Variants in URM1 observed in about 807,000 individuals in gnomAD.
The protein encoded by URM1 is ubiquitin related modifier 1.
In URM1, 11 loss-of-function variants were observed where a neutral mutation model predicts 17.7. That is an observed-to-expected ratio of 0.62 (90% CI 0.39 to 1.03). URM1 has a LOEUF of 1.03. URM1 is among the 50% of genes least tolerant of loss of function. The pLI is 0.00. For synonymous variants in URM1, 48 were observed against 50.6 expected, an observed-to-expected ratio of 0.95 and a Z score of 0.22; for missense variants, 128 against 129.2, an observed-to-expected ratio of 0.99 and a Z score of 0.04.
At chr9:128,377,136 T>G (rs377603721) in intron 1 of URM1, among the ~76,000 whole-genome samples, 1 of 152,184 alleles carries the variant, frequency 6.6e-6, no homozygotes, top group Non-Finnish European at 1.5e-5. Context: ...CCTCCCACAG[T>G]GCTAGGATTC....
At chr9:128,377,956 C>A in intron 1 of URM1, 80 bp from the exon 2 acceptor site, 1 of 1,484,124 alleles carries the variant, frequency 6.7e-7, no homozygotes, top group Non-Finnish European at 9.4e-7. Context: ...CCAGCCCTAT[C>A]CTCAGTTTTC....
chr9:128,372,862 C>T (rs571826403), intron 1 of URM1, among the ~76,000 whole-genome samples: 1 of 151,990 alleles, frequency 6.6e-6, no homozygotes, highest in East Asian at 1.9e-4. Flanking sequence ...CTGCTTGAGC[C>T]CAAGAATTCG....
At chr9:128,385,846 A>G (rs1323750566) in intron 2 of URM1, among the ~76,000 whole-genome samples, 1 of 147,870 alleles carries the variant, frequency 6.8e-6, no homozygotes, top group Non-Finnish European at 1.5e-5. Flanking sequence ...CCATGGTAAC[A>G]GGCTATCAAA....
At chr9:128,378,947 CAAAAAAAAAA>C (rs397976946) in intron 2 of URM1, among the ~76,000 whole-genome samples, 2 of 86,868 alleles carry the variant, frequency 2.3e-5, no homozygotes, top group Non-Finnish European at 4.9e-5. Context: ...ATTCTGTCAC[CAAAAAAAAAA>C]AAAAAAAAAA....
chr9:128,377,248 T>C (rs1833089990), intron 1 of URM1, among the ~76,000 whole-genome samples: 1 of 152,158 alleles, frequency 6.6e-6, no homozygotes, highest in Non-Finnish European at 1.5e-5. Flanking sequence ...TCACTGGGTC[T>C]GGGCAGAGTG....
Position 128,387,779 on chromosome 9 carries a change from G to A in URM1, c.107-37G>A. On this transcript the variant is annotated intron_variant, in intron 2 of 4. Coordinates refer to ENST00000372853, the MANE Select transcript of URM1 (RefSeq NM_030914.4). The surrounding 1 kb of genome is among the most constrained non-coding windows in gnomAD (Gnocchi z 4.3). Reference sequence around the variant, plus strand: ...TCTGGGGGTGGGCAGGTGCTATTTGGGTTTGACAAGAGTTTGTTCTGTGCA... The same window carrying A: ...TCTGGGGGTGGGCAGGTGCTATTTGAGTTTGACAAGAGTTTGTTCTGTGCA... 1 of 1,613,522 alleles carries A rather than the reference G, an allele frequency of 6.2e-7. No individual in the cohort carries two copies. The highest frequency in any genetic ancestry group is 1.7e-5 in the Admixed American group (1 of 60,004).
chr9:128,381,140 T>C (rs1833155073), intron 2 of URM1, among the ~76,000 whole-genome samples: 1 of 152,140 alleles, frequency 6.6e-6, no homozygotes, highest in Non-Finnish European at 1.5e-5. Context: ...TACTTTATTC[T>C]TTCATGTAGT....
At chr9:128,377,500 C>T (rs1564410112) in intron 1 of URM1, among the ~76,000 whole-genome samples, 1 of 152,060 alleles carries the variant, frequency 6.6e-6, no homozygotes, top group Admixed American at 6.6e-5. Flanking sequence ...TGGTGAAACC[C>T]TCTGTCTAAA....
intron 1 of URM1, 89 bp downstream of exon 1, chr9:128,371,504 C>T: frequency 7.3e-7 from 1 of 1,370,790 alleles, no homozygotes; most frequent in Non-Finnish European, 1.0e-6. Flanking sequence ...CTGACACGGC[C>T]GAATCACTGG....
chr9:128,382,545 G>A (rs1469757631), intron 2 of URM1, among the ~76,000 whole-genome samples: 1 of 152,168 alleles, frequency 6.6e-6, no homozygotes, highest in Non-Finnish European at 1.5e-5. Context: ...CCAGGGGAGA[G>A]CTTCCAACCC....
At chr9:128,377,946 C>G in intron 1 of URM1, 90 bp from the exon 2 acceptor site, 1 of 1,394,686 alleles carries the variant, frequency 7.2e-7, no homozygotes, top group Non-Finnish European at 1.0e-6. Context: ...GCCTTCATTA[C>G]CAGCCCTATC....
chr9:128,386,704 T>TG (rs1833232002), intron 2 of URM1, among the ~76,000 whole-genome samples: 1 of 152,222 alleles, frequency 6.6e-6, no homozygotes, highest in African/African-American at 2.4e-5. Context: ...ACCTTTCCCT[T>TG]GCGTACACTC....
intron 1 of URM1, 167 bp from the exon 2 acceptor site, chr9:128,377,869 A>C: frequency 3.0e-6 from 2 of 664,486 alleles, no homozygotes; most frequent in East Asian, 5.9e-5. Context: ...CTAAGAAAGA[A>C]AGGGGGAGAA....
intron 2 of URM1, among the ~76,000 whole-genome samples, chr9:128,384,483 C>G (rs748524587): frequency 6.6e-6 from 1 of 152,150 alleles, no homozygotes; most frequent in South Asian, 2.1e-4. Context: ...CTCTCGCAGT[C>G]CCCTCATTCC....
chr9:128,389,021 G>C (rs1274485051), intron 3 of URM1: 2 of 1,341,760 alleles, frequency 1.5e-6, no homozygotes, highest in African/African-American at 2.9e-5. Context: ...CCATGGTCTG[G>C]GTGGTGGTGC....
At chr9:128,389,204 C>G (rs961844280) in intron 3 of URM1, 57 bp from the exon 4 acceptor site, 26 of 1,545,028 alleles carry the variant, frequency 1.7e-5, no homozygotes, top group Non-Finnish European at 2.2e-5. Flanking sequence ...CTCTCTTCCT[C>G]TGTGCTACTG....
Position 128,378,264 on chromosome 9 carries a change from C to G in URM1, c.106+158C>G, listed in dbSNP as rs184951407. Reference sequence around the variant, plus strand: ...AAAAACAAGAGTCTACACGGCTGGGCCGGGTGGCTCATGCCTGTAATCCCA... The same window carrying G: ...AAAAACAAGAGTCTACACGGCTGGGGCGGGTGGCTCATGCCTGTAATCCCA... On this transcript the variant is annotated intron_variant, in intron 2 of 4. Coordinates refer to ENST00000372853, the MANE Select transcript of URM1 (RefSeq NM_030914.4). 5.3e-5 allele frequency among the ~76,000 whole-genome samples: 8 copies of G among 152,020 alleles called. No homozygotes were observed. The East Asian group carries it at 1.3e-3, about 26-fold the overall frequency.
chr9:128,382,494 T>C (rs941269996), intron 2 of URM1, among the ~76,000 whole-genome samples: 9 of 152,120 alleles, frequency 5.9e-5, no homozygotes, highest in African/African-American at 2.2e-4. Context: ...GATTTCAGAA[T>C]GTGACAAGCC....
At chr9:128,376,438 T>C (rs1833079047) in intron 1 of URM1, among the ~76,000 whole-genome samples, 1 of 149,498 alleles carries the variant, frequency 6.7e-6, no homozygotes. Flanking sequence ...GGCAGGTGGA[T>C]CACGAGGTCA....
Sources: allele counts gnomAD v4.1 joint callset (sites outside exome capture counted in the v4.1 genomes callset), GRCh38; gene constraint gnomAD v4.1.1; non-coding constraint Gnocchi (gnomAD v3.1); transcripts MANE v1.5; gene names NCBI Gene and HGNC (gene_info 2026-07-23, HGNC 2026-07-21).